PHACTR2: variants seen among roughly 807,000 people sequenced by gnomAD.
PHACTR2 encodes phosphatase and actin regulator 2.
PHACTR2 carries 30 observed loss-of-function variants against 76.0 expected under a neutral mutation model. The ratio of observed to expected loss-of-function variants is 0.39; its 90% confidence interval spans 0.30 to 0.54. The LOEUF is 0.54. Ranked by LOEUF, PHACTR2 falls within the 20% of genes least tolerant of loss-of-function variation. The probability of loss-of-function intolerance (pLI) is 0.61; values close to 1 mark genes in which losing one functional copy is unlikely to be tolerated. For synonymous variants in PHACTR2, 292 were observed against 292.5 expected (o/e 1.00, Z 0.02); for missense variants, 696 against 781.1 (o/e 0.89, Z 1.30).
Position 143,549,059 on chromosome 6 carries a change from G to C in PHACTR2, c.217+11852G>C, listed in dbSNP as rs750274282. On this transcript the variant is annotated intron_variant, in intron 1 of 11. Transcript: ENST00000367584. This position sits in a 1 kb window ranked among gnomAD's most constrained non-coding sequence, Gnocchi z 4.2. ...ATGAAGACAGGCATTCTCTCCCCCCGACCCAGATTGACATGGTGCCTGATC... is the reference window on the plus strand; with the variant it reads ...ATGAAGACAGGCATTCTCTCCCCCCCACCCAGATTGACATGGTGCCTGATC... Among the ~76,000 whole-genome samples, 1 of 151,902 alleles carries C rather than the reference G, an allele frequency of 6.6e-6. No individual in the cohort carries two copies. The highest frequency in any genetic ancestry group is 6.6e-5 in the Admixed American group (1 of 15,246).
rs1457976948 is a variant in PHACTR2, at chr6:143,561,646, C to T, written c.217+24439C>T. Among the ~76,000 whole-genome samples, 2 of 152,172 alleles carry T rather than the reference C, an allele frequency of 1.3e-5. No individual in the cohort carries two copies. On this transcript the variant is annotated intron_variant, in intron 1 of 11. Coordinates refer to the PHACTR2 transcript ENST00000367584. This position sits in a 1 kb window ranked among gnomAD's most constrained non-coding sequence, Gnocchi z 4.1. ...CTCTGGCCTGGCCTCTGCATTCCCACAGAAGTAGTGGTGAGAGGAGTCAAG... is the reference window on the plus strand; with the variant it reads ...CTCTGGCCTGGCCTCTGCATTCCCATAGAAGTAGTGGTGAGAGGAGTCAAG...
chr6:143,567,240 G>A (rs1582676006), intron 1 of PHACTR2, among the ~76,000 whole-genome samples: 1 of 152,212 alleles, frequency 6.6e-6, no homozygotes, highest in East Asian at 1.9e-4. Context: ...TTTGGCTTTT[G>A]AAAACCCCCA....
rs1457436588 is a variant in PHACTR2 at position 143,771,152 on chromosome 6, ATATATGTATATATATATATATG to A, written c.1233-1100_1233-1079del. Among the ~76,000 whole-genome samples, 107 of 51,500 alleles carry A rather than the reference ATATATGTATATATATATATATG, an allele frequency of 2.1e-3. 1 individual carries two copies. Among genetic ancestry groups the A allele is most frequent in the African/African-American group, 0.011 (101 of 9,098 alleles). 33.8% of individuals were successfully genotyped at this position (51,500 alleles called of 152,430 possible). A position where few individuals can be genotyped will look rare whatever the true frequency, so the allele number is the denominator to read the frequency against. ...TTTACATATATATATATGTATATAT[ATATATGTATATATATATATATG>A]TATATATATATATATGTGTGTATAT... On this transcript the variant is annotated intron_variant, in intron 6 of 12. Coordinates refer to ENST00000440869, the MANE Select transcript of PHACTR2 (RefSeq NM_001100164.2).
At chr6:143,706,274 T>C (rs929661479) in intron 1 of PHACTR2, among the ~76,000 whole-genome samples, 2 of 152,172 alleles carry the variant, frequency 1.3e-5, no homozygotes, top group African/African-American at 4.8e-5. Context: ...TATTGGAGAA[T>C]GCTATTAGAA....
At chr6:143,766,760 T>G (rs1390119378) in intron 6 of PHACTR2, among the ~76,000 whole-genome samples, 2 of 152,218 alleles carry the variant, frequency 1.3e-5, no homozygotes, top group African/African-American at 4.8e-5. Flanking sequence ...TCTCTTTCAT[T>G]CTTTGCATTT....
At position 143,829,316 on chromosome 6, in the gene PHACTR2, A is replaced by T. The variant is rs890317011; in HGVS notation, c.*5627A>T. On this transcript the variant is annotated 3_prime_UTR_variant, in exon 13 of 13. Coordinates refer to ENST00000440869, the MANE Select transcript of PHACTR2 (RefSeq NM_001100164.2). ...CAAACACAGACTAGCAATGCACTTG[A>T]ACAAACCTGGTGGTCTTTGGAAATA... The T allele has an allele frequency of 6.6e-6, 1 of 151,160 alleles. No individual in the cohort carries two copies. Among genetic ancestry groups the T allele is most frequent in the African/African-American group, 2.4e-5 (1 of 41,010 alleles). 9.4% of individuals were successfully genotyped at this position (151,160 alleles called of 1,614,324 possible).
At chr6:143,685,568 C>T (rs35907844) in intron 1 of PHACTR2, among the ~76,000 whole-genome samples, 7,309 of 151,780 alleles carry the variant, frequency 0.048, 222 homozygotes, top group Middle Eastern at 0.082. Context: ...ATATTAATAT[C>T]CCCATTTTAT....
Position 143,825,680 on chromosome 6 carries a change from T to G in PHACTR2, c.*1991T>G, listed in dbSNP as rs1256438759. The G allele has an allele frequency of 6.6e-6, 1 of 152,134 alleles. No homozygotes were observed. The highest frequency in any genetic ancestry group is 1.5e-5 in the Non-Finnish European group (1 of 68,026). The allele number at this position is 152,134 out of a possible 1,614,324, so 9.4% of individuals were successfully genotyped here. A position where few individuals can be genotyped will look rare whatever the true frequency, so the allele number is the denominator to read the frequency against. On this transcript the variant is annotated 3_prime_UTR_variant, in exon 13 of 13. Coordinates refer to ENST00000440869, the MANE Select transcript of PHACTR2 (RefSeq NM_001100164.2). The surrounding 1 kb of genome is among the most constrained non-coding windows in gnomAD (Gnocchi z 4.1). Reference sequence around the variant, plus strand: ...TTTTTATTTTATTATTTTAGTGTCTTGAGAAAAATACCAAGAGATATAATG... The same window carrying G: ...TTTTTATTTTATTATTTTAGTGTCTGGAGAAAAATACCAAGAGATATAATG...
At position 143,551,222 on chromosome 6, in the gene PHACTR2, G is replaced by A. The variant is rs539691935; in HGVS notation, c.217+14015G>A. Among the ~76,000 whole-genome samples, 10 of 150,154 alleles carry A rather than the reference G, an allele frequency of 6.7e-5. 1 individual carries two copies. The highest frequency in any genetic ancestry group is 1.9e-4 in the African/African-American group (8 of 41,422). On this transcript the variant is annotated intron_variant, in intron 1 of 11. Transcript: ENST00000367584. The stretch of plus-strand genomic sequence containing the variant: ...ATTCCAAGACACCTAGTAGATGCCC[G>A]AAACCTGCAGATAGCAACTGCTGAA...
intron 1 of PHACTR2, among the ~76,000 whole-genome samples, chr6:143,569,946 G>A (rs934778951): frequency 5.3e-5 from 8 of 152,200 alleles, no homozygotes; most frequent in Non-Finnish European, 1.0e-4. Flanking sequence ...ACCAGACCAG[G>A]AGATTTTCAT....
intron 2 of PHACTR2, among the ~76,000 whole-genome samples, chr6:143,737,071 A>G (rs1778839782): frequency 6.6e-6 from 1 of 151,798 alleles, no homozygotes; most frequent in African/African-American, 2.4e-5. Flanking sequence ...GTATTCTATT[A>G]TATAGAGTCT....
Position 143,611,716 on chromosome 6 carries a change from A to G in PHACTR2, c.13+3394A>G, listed in dbSNP as rs1775977881. On this transcript the variant is annotated intron_variant, in intron 1 of 11. Transcript: ENST00000305766. This position sits in a 1 kb window ranked among gnomAD's most constrained non-coding sequence, Gnocchi z 4.4. ...GAAGCAGGTTGCTTTATGAACAAAT[A>G]AATATATGCTCCAGCAGCGTGGCTC... is the stretch of plus-strand genomic sequence containing the variant. Among the ~76,000 whole-genome samples the G allele has an allele frequency of 6.6e-6, 1 of 152,174 alleles. No individual in the cohort carries two copies. Among genetic ancestry groups the G allele is most frequent in the African/African-American group, 2.4e-5 (1 of 41,434 alleles).
At chr6:143,632,903 T>A (rs1776389821) in intron 1 of PHACTR2, among the ~76,000 whole-genome samples, 1 of 152,222 alleles carries the variant, frequency 6.6e-6, no homozygotes, top group Non-Finnish European at 1.5e-5. Context: ...TAGTATGCAC[T>A]TAAGGTTCCT....
chr6:143,802,641 C>T (rs1244983801), intron 11 of PHACTR2, among the ~76,000 whole-genome samples: 2 of 27,694 alleles, frequency 7.2e-5, no homozygotes, highest in Admixed American at 4.1e-4. Flanking sequence ...GAACAAGACC[C>T]TGTCTCAAAA....
At position 143,688,956 on chromosome 6, in the gene PHACTR2, G is replaced by A. The variant is rs1777580618; in HGVS notation, c.46+10747G>A. On this transcript the variant is annotated intron_variant, in intron 1 of 12. Coordinates refer to ENST00000440869, the MANE Select transcript of PHACTR2 (RefSeq NM_001100164.2). This position sits in a 1 kb window ranked among gnomAD's most constrained non-coding sequence, Gnocchi z 5.2. ...GTATGGCCCTCGAGGCTCTACATGA[G>A]CCTATATGATCCCTGCCCACCTCTC... Among the ~76,000 whole-genome samples, 2 of 152,204 alleles carry A rather than the reference G, an allele frequency of 1.3e-5. No individual in the cohort carries two copies. Among genetic ancestry groups the A allele is most frequent in the Non-Finnish European group, 2.9e-5 (2 of 68,040 alleles).
intron 11 of PHACTR2, among the ~76,000 whole-genome samples, chr6:143,802,735 T>G (rs1775987153): frequency 6.6e-6 from 1 of 151,718 alleles, no homozygotes; most frequent in Non-Finnish European, 1.5e-5. Flanking sequence ...AGAAGAGAGT[T>G]AAGTTTATTA....
upstream of PHACTR2, among the ~76,000 whole-genome samples, chr6:143,674,551 C>T (rs78706110): frequency 1.6e-3 from 236 of 152,180 alleles, 3 homozygotes; most frequent in East Asian, 0.024. This position sits in a 1 kb window ranked among gnomAD's most constrained non-coding sequence, Gnocchi z 4.9. Flanking sequence ...CCACTATCAA[C>T]CACTGTTGCC....
rs1428309329 is a variant in PHACTR2 at position 143,783,004 on chromosome 6, C to CGTGTGTGTGT, written c.1646-215_1646-214insGTGTGTGTGT. 7.7e-4 allele frequency among the ~76,000 whole-genome samples: 32 copies of CGTGTGTGTGT among 41,812 alleles called. No homozygotes were observed. The highest frequency in any genetic ancestry group is 0.014 in the Middle Eastern group (1 of 74). The allele number at this position is 41,812 out of a possible 152,430, so 27.4% of individuals were successfully genotyped here. A position where few individuals can be genotyped will look rare whatever the true frequency, so the allele number is the denominator to read the frequency against. ...AAGCAAACCAGTCCTACAAAAAAAG[C>CGTGTGTGTGT]ATGTGTGTGTGTGTGTGTGTGTGTG... On this transcript the variant is annotated intron_variant, in intron 9 of 12. Coordinates refer to ENST00000440869, the MANE Select transcript of PHACTR2 (RefSeq NM_001100164.2). This position sits in a 1 kb window ranked among gnomAD's most constrained non-coding sequence, Gnocchi z 5.2.
At chr6:143,728,801 A>G (rs756611548) in intron 2 of PHACTR2, among the ~76,000 whole-genome samples, 9 of 152,192 alleles carry the variant, frequency 5.9e-5, no homozygotes, top group Admixed American at 1.3e-4. Flanking sequence ...GAATGAAAAT[A>G]GACACCTATG....
Sources: allele counts gnomAD v4.1 joint callset (sites outside exome capture counted in the v4.1 genomes callset), GRCh38; gene constraint gnomAD v4.1.1; non-coding constraint Gnocchi (gnomAD v3.1); transcripts MANE v1.5; gene names NCBI Gene and HGNC (gene_info 2026-07-23, HGNC 2026-07-21).